The following DST variants were observed in gnomAD, a reference collection of about 807,000 sequenced individuals.
DST encodes the protein bullous pemphigoid antigen.
Under a neutral mutation model 875.2 loss-of-function variants are expected in DST, and 253 were observed. That is an observed-to-expected ratio of 0.29 (90% confidence interval 0.26 to 0.32). The LOEUF is 0.32. DST is among the 10% of genes least tolerant of loss of function. The pLI is 1.00. For synonymous variants in DST, 3,124 were observed against 3,197.1 expected, an observed-to-expected ratio of 0.98 and a Z score of 0.77; for missense variants, 8,287 against 9,111.6, an observed-to-expected ratio of 0.91 and a Z score of 3.68.
chr6:56,736,792 A>C (rs1360821081), intron 4 of DST, among the ~76,000 whole-genome samples: 2 of 152,252 alleles, frequency 1.3e-5, no homozygotes, highest in Non-Finnish European at 2.9e-5. Flanking sequence ...GACAAATGTT[A>C]CTATTATGAA....
chr6:56,515,336 C>T (rs1413797842), intron 72 of DST, 114 bp downstream of exon 72: 19 of 1,172,512 alleles, frequency 1.6e-5, no homozygotes, highest in Non-Finnish European at 1.9e-5. Context: ...GACCAGAACA[C>T]GGTATTCTAA....
rs368992091 is a variant in DST at position 56,460,216 on chromosome 6, T to A, written c.23109A>T (p.Gly7703=). ...AGTGGAAGCCTTTCCCTGATAAATA[T>A]CCTGGAAGTCGAAGCTTGCTTCCTT... The part of the protein sequence containing the change: ...PIQGSKLRLP[G]YLSGKGFHSG... Residue 7703 remains glycine (G), a synonymous_variant, in exon 103 of 104, where the codon GGA becomes GGT. Coordinates refer to ENST00000680361, the MANE Select transcript of DST (RefSeq NM_001374736.1). The A allele has an allele frequency of 8.1e-6, 13 of 1,613,850 alleles. No individual in the cohort carries two copies. The highest frequency in any genetic ancestry group is 1.0e-5 in the Non-Finnish European group (12 of 1,179,886).
At chr6:56,831,127 T>A (rs753814342) in intron 4 of DST, among the ~76,000 whole-genome samples, 1 of 152,222 alleles carries the variant, frequency 6.6e-6, no homozygotes, top group Non-Finnish European at 1.5e-5. Flanking sequence ...ATTATGATCA[T>A]CAATCTAATT....
chr6:56,736,602 G>A (rs915192714), intron 4 of DST, among the ~76,000 whole-genome samples: 2 of 151,660 alleles, frequency 1.3e-5, no homozygotes, highest in South Asian at 2.1e-4. Flanking sequence ...GATATGTCTC[G>A]GTCTCTTTCT....
At chr6:56,685,863 C>T (rs954807410) in intron 9 of DST, among the ~76,000 whole-genome samples, 2 of 152,132 alleles carry the variant, frequency 1.3e-5, no homozygotes, top group African/African-American at 4.8e-5. Context: ...ATAGTTCAGC[C>T]CCTGTGGAAT....
intron 13 of DST, among the ~76,000 whole-genome samples, chr6:56,647,438 A>G (rs2098949678): frequency 6.6e-6 from 1 of 152,214 alleles, no homozygotes; most frequent in South Asian, 2.1e-4. Flanking sequence ...TTCTACAGAT[A>G]TTCTGTACGG....
At chr6:56,632,794 A>G in intron 28 of DST, 60 bp downstream of exon 28, 9 of 1,466,338 alleles carry the variant, frequency 6.1e-6, no homozygotes, top group Non-Finnish European at 7.6e-6. Flanking sequence ...CATTGAGAGC[A>G]AAAAATAGCC....
At position 56,459,466 on chromosome 6, in the gene DST, G is replaced by A. The variant is rs565020912; in HGVS notation, c.23195-199C>T. On this transcript the variant is annotated intron_variant, in intron 103 of 103. Transcript: ENST00000680361. Reference sequence around the variant, plus strand: ...CTCTAAGTAGACATAATATAGAAAAGGCTAGATTTCCAACTACAAGGTAAG... The same window carrying A: ...CTCTAAGTAGACATAATATAGAAAAAGCTAGATTTCCAACTACAAGGTAAG... 4.6e-5 allele frequency among the ~76,000 whole-genome samples: 7 copies of A among 152,268 alleles called. No individual in the cohort carries two copies. In the East Asian group the frequency reaches 1.4e-3, roughly 29 times the overall value.
chr6:56,653,479 G>A (rs1305211764), intron 10 of DST, among the ~76,000 whole-genome samples: 1 of 152,148 alleles, frequency 6.6e-6, no homozygotes, highest in Non-Finnish European at 1.5e-5. Context: ...GAGGTCTGGA[G>A]TTTGACACCA....
intron 85 of DST, 69 bp from the exon 86 acceptor site, chr6:56,489,678 T>A: frequency 7.0e-7 from 1 of 1,431,064 alleles, no homozygotes; most frequent in Non-Finnish European, 9.5e-7. Flanking sequence ...TAGCACAGTT[T>A]TAAGACAGAG....
intron 5 of DST, among the ~76,000 whole-genome samples, chr6:56,711,181 G>A (rs1563807878): frequency 6.6e-6 from 1 of 151,876 alleles, no homozygotes; most frequent in Non-Finnish European, 1.5e-5. Context: ...TTCACCACAA[G>A]GTGGAACTAG....
Position 56,701,167 on chromosome 6 carries a change from TA to T in DST, c.954+720del, listed in dbSNP as rs993955321. ...GCCTCTTCCTTTTTTTCAAACTATT[TA>T]AAAAAAAAATTGCTGCCCCCTCTGA... On this transcript the variant is annotated intron_variant, in intron 8 of 103. Coordinates refer to ENST00000680361, the MANE Select transcript of DST (RefSeq NM_001374736.1). Among the ~76,000 whole-genome samples the T allele has an allele frequency of 2.4e-3, 361 of 149,514 alleles. 6 individuals carry two copies. Among genetic ancestry groups the T allele is most frequent in the Admixed American group, 0.021 (309 of 15,034 alleles).
intron 2 of DST, among the ~76,000 whole-genome samples, chr6:56,947,839 A>G (rs1363189571): frequency 6.6e-6 from 1 of 151,252 alleles, no homozygotes; most frequent in Non-Finnish European, 1.5e-5. Context: ...CTCTGAATCT[A>G]CTCAGGTACA....
chr6:56,889,843 G>T (rs1023501178), intron 3 of DST, among the ~76,000 whole-genome samples: 2 of 152,172 alleles, frequency 1.3e-5, no homozygotes, highest in Non-Finnish European at 2.9e-5. Context: ...CCTCCTAGGT[G>T]CCCTGCCACA....
intron 59 of DST, among the ~76,000 whole-genome samples, chr6:56,556,929 AAAAT>A (rs2097430781): frequency 6.6e-6 from 1 of 152,212 alleles, no homozygotes; most frequent in South Asian, 2.1e-4. Context: ...TACCACAATC[AAAAT>A]AAATAAAACC....
In DST at chr6:56,922,598, T is replaced by G. The variant is rs112044536; in HGVS notation, c.217-21977A>C. On this transcript the variant is annotated intron_variant, in intron 2 of 103. Coordinates refer to ENST00000680361, the MANE Select transcript of DST (RefSeq NM_001374736.1). Reference sequence around the variant, plus strand: ...CTTCTTCTTTGCTAAACCCTCTGTTTTTTTTGCCTTAGAGCAAGCAAAATG... The same window carrying G: ...CTTCTTCTTTGCTAAACCCTCTGTTGTTTTTGCCTTAGAGCAAGCAAAATG... Among the ~76,000 whole-genome samples, 334 of 152,172 alleles carry G rather than the reference T, an allele frequency of 2.2e-3. 2 individuals are homozygous for G. Among genetic ancestry groups the G allele is most frequent in the Admixed American group, 3.9e-3 (59 of 15,292 alleles).
At chr6:56,932,370 CA>C (rs1810804479) in intron 2 of DST, among the ~76,000 whole-genome samples, 1 of 152,036 alleles carries the variant, frequency 6.6e-6, no homozygotes, top group Admixed American at 6.6e-5. Context: ...AAAAGTCTTC[CA>C]AACCTAGTCT....
chr6:56,694,239 A>G lies in DST; in HGVS notation c.1047+5414T>C, dbSNP rs930827047. ...GGTAAAAAAAAAAAAAAATTAGAAT[A>G]GCATGAAATGGATTTACACATAAGT... is the stretch of plus-strand genomic sequence containing the variant. On this transcript the variant is annotated intron_variant, in intron 9 of 103. Transcript: ENST00000680361. Among the ~76,000 whole-genome samples the G allele has an allele frequency of 4.0e-5, 6 of 150,280 alleles. No homozygotes were observed. The East Asian group carries it at 7.7e-4, about 19-fold the overall frequency.
At chr6:56,734,131 T>C (rs2099514304) in intron 5 of DST, among the ~76,000 whole-genome samples, 1 of 152,242 alleles carries the variant, frequency 6.6e-6, no homozygotes, top group Non-Finnish European at 1.5e-5. Context: ...TGCCGCATGC[T>C]GCGTCAGAAT....
Sources: gnomAD v4.1 joint callset for allele counts (sites outside exome capture counted in the v4.1 genomes callset) on GRCh38, gnomAD v4.1.1 for gene constraint, MANE v1.5 for transcripts, NCBI Gene and HGNC (gene_info 2026-07-23, HGNC 2026-07-21) for gene names.